Variants in ANKS1B observed in about 807,000 individuals in gnomAD.
ANKS1B encodes the protein ankyrin repeat and sterile alpha motif domain containing 1B.
Under a neutral mutation model 148.3 loss-of-function variants are expected in ANKS1B, and 36 were observed. The observed-to-expected ratio is 0.24, with a 90% CI of 0.19 to 0.32. The LOEUF (loss-of-function observed/expected upper bound fraction) is 0.32, where lower values mean the gene tolerates loss of function less well. ANKS1B is among the 10% of genes least tolerant of loss of function. The pLI is 1.00. For missense variants in ANKS1B, 1,157 were observed against 1,542.6 expected (o/e 0.75, Z 4.19); for synonymous variants, 542 against 560.8 (o/e 0.97, Z 0.47).
chr12:99,158,947 G>A (rs559905899), intron 14 of ANKS1B, among the ~76,000 whole-genome samples: 4 of 152,264 alleles, frequency 2.6e-5, no homozygotes, highest in Admixed American at 2.6e-4. Context: ...GTGTGGCTGA[G>A]AGGTCAGGGG....
chr12:99,294,571 A>T (rs2080557459), intron 12 of ANKS1B, among the ~76,000 whole-genome samples: 1 of 152,196 alleles, frequency 6.6e-6, no homozygotes, highest in Non-Finnish European at 1.5e-5. Flanking sequence ...TGGTTAGCGG[A>T]TACAAAAATA....
chr12:98,744,124 T>C lies in ANKS1B; in HGVS notation c.*1615A>G. On this transcript the variant is annotated 3_prime_UTR_variant, in exon 27 of 27. Transcript: ENST00000683438. Reference sequence around the variant, plus strand: ...TCCTATTAACTTTGCTCCTATACAATTGCCTCCTGGTACCATATTTTAGTG... The same window carrying C: ...TCCTATTAACTTTGCTCCTATACAACTGCCTCCTGGTACCATATTTTAGTG... The C allele has an allele frequency of 5.1e-6, 5 of 985,786 alleles. No individual in the cohort carries two copies. Among genetic ancestry groups the C allele is most frequent in the African/African-American group, 1.7e-5 (1 of 57,354 alleles). The allele number at this position is 985,786 out of a possible 1,614,324, so 61.1% of individuals were successfully genotyped here.
At chr12:99,496,982 C>T (rs189532994) in intron 10 of ANKS1B, among the ~76,000 whole-genome samples, 3 of 152,220 alleles carry the variant, frequency 2.0e-5, no homozygotes, top group East Asian at 3.9e-4. Context: ...AATTTGTGTG[C>T]TCAGTTTTAA....
intron 8 of ANKS1B, among the ~76,000 whole-genome samples, chr12:99,678,314 A>T (rs909857607): frequency 2.0e-5 from 3 of 152,176 alleles, no homozygotes; most frequent in African/African-American, 7.2e-5. Flanking sequence ...CTCCTTCCTA[A>T]GTCCCTGGTG....
intron 1 of ANKS1B, among the ~76,000 whole-genome samples, chr12:99,952,123 CAA>C (rs747390394): frequency 1.3e-5 from 2 of 152,094 alleles, no homozygotes; most frequent in Non-Finnish European, 2.9e-5. Flanking sequence ...TCTGTTGTGT[CAA>C]GTTTTCTATA....
intron 17 of ANKS1B, among the ~76,000 whole-genome samples, chr12:98,849,744 G>A (rs1415997002): frequency 6.6e-6 from 1 of 152,088 alleles, no homozygotes; most frequent in Non-Finnish European, 1.5e-5. Flanking sequence ...GAAAAAGACC[G>A]TCTTAATTTT....
intron 9 of ANKS1B, among the ~76,000 whole-genome samples, chr12:99,532,472 T>C (rs1023368896): frequency 6.6e-6 from 1 of 152,172 alleles, no homozygotes; most frequent in Non-Finnish European, 1.5e-5. Flanking sequence ...GCCATTCTCC[T>C]GCCTCAGCCT....
intron 14 of ANKS1B, among the ~76,000 whole-genome samples, chr12:99,161,771 G>A (rs1048002767): frequency 3.9e-5 from 6 of 152,084 alleles, no homozygotes; most frequent in African/African-American, 1.2e-4. Context: ...TATAGCTGAC[G>A]GATTGTCAAA....
intron 10 of ANKS1B, among the ~76,000 whole-genome samples, chr12:99,491,157 T>C (rs1232786933): frequency 1.3e-5 from 2 of 151,924 alleles, no homozygotes; most frequent in Non-Finnish European, 2.9e-5. Context: ...TACAAAAAAT[T>C]AGCTGGGCGC....
intron 9 of ANKS1B, among the ~76,000 whole-genome samples, chr12:99,546,359 C>T (rs1408402266): frequency 6.6e-6 from 1 of 152,146 alleles, no homozygotes; most frequent in African/African-American, 2.4e-5. Flanking sequence ...CATTTTAAGA[C>T]ATTTTCCATA....
intron 6 of ANKS1B, among the ~76,000 whole-genome samples, chr12:99,778,782 G>A (rs556968990): frequency 6.6e-6 from 1 of 152,162 alleles, no homozygotes; most frequent in Non-Finnish European, 1.5e-5. Context: ...ATAGAGAAGA[G>A]AGCATAATGG....
intron 12 of ANKS1B, among the ~76,000 whole-genome samples, chr12:99,367,786 TTGTGTG>T (rs370684225): frequency 5.4e-5 from 8 of 148,446 alleles, no homozygotes; most frequent in African/African-American, 2.0e-4. Context: ...GTGTGTGTGC[TTGTGTG>T]TGTGTGTGTG....
At chr12:98,743,809 G>T (rs1051132842), downstream of ANKS1B, among the ~76,000 whole-genome samples, 13 of 152,286 alleles carry the variant, frequency 8.5e-5, no homozygotes, top group Admixed American at 5.2e-4. Flanking sequence ...TCAGAGGCCT[G>T]TGTATCTTTC....
chr12:99,974,260 T>C (rs2095597911), intron 1 of ANKS1B, among the ~76,000 whole-genome samples: 2 of 152,228 alleles, frequency 1.3e-5, no homozygotes, highest in African/African-American at 4.8e-5. Context: ...GATATAAGGA[T>C]GTTGCACACT....
chr12:99,382,245 C>T (rs1234818377), intron 12 of ANKS1B, among the ~76,000 whole-genome samples: 1 of 152,098 alleles, frequency 6.6e-6, no homozygotes, highest in Non-Finnish European at 1.5e-5. Context: ...AATCAGGTGC[C>T]CACATGTCCA....
intron 11 of ANKS1B, among the ~76,000 whole-genome samples, chr12:99,421,449 C>A (rs1054679597): frequency 6.6e-6 from 1 of 152,036 alleles, no homozygotes; most frequent in Admixed American, 6.5e-5. Flanking sequence ...GTGGCAGAGA[C>A]CCTGGTAGAA....
chr12:98,929,396 G>T (rs888696297), intron 17 of ANKS1B, among the ~76,000 whole-genome samples: 6 of 151,900 alleles, frequency 3.9e-5, no homozygotes, highest in African/African-American at 1.4e-4. Flanking sequence ...TAGTATCTCA[G>T]CTGCCTTATT....
intron 17 of ANKS1B, among the ~76,000 whole-genome samples, chr12:98,888,637 A>G (rs984531586): frequency 6.6e-6 from 1 of 152,220 alleles, no homozygotes; most frequent in Non-Finnish European, 1.5e-5. Context: ...TCCCCCTGAC[A>G]GATATTCCAT....
At chr12:99,708,126 GT>G (rs1567687062) in intron 8 of ANKS1B, among the ~76,000 whole-genome samples, 1 of 152,140 alleles carries the variant, frequency 6.6e-6, no homozygotes, top group East Asian at 1.9e-4. Context: ...ATTCAACTGA[GT>G]GGGACTCAAA....
Sources: gnomAD v4.1 joint callset for allele counts (sites outside exome capture counted in the v4.1 genomes callset) on GRCh38, gnomAD v4.1.1 for gene constraint, MANE v1.5 for transcripts, NCBI Gene and HGNC (gene_info 2026-07-23, HGNC 2026-07-21) for gene names.